The following KMO variants were observed in gnomAD, a reference collection of about 807,000 sequenced individuals.
KMO encodes kynurenine 3-monooxygenase.
Under a neutral mutation model 57.8 loss-of-function variants are expected in KMO, and 24 were observed. The observed-to-expected ratio is 0.42, with a 90% confidence interval of 0.30 to 0.58. KMO has a LOEUF of 0.58. Ranked by LOEUF, KMO falls within the 20% of genes least tolerant of loss-of-function variation. The probability of loss-of-function intolerance (pLI) is 0.22; values close to 1 mark genes in which losing one functional copy is unlikely to be tolerated. For synonymous variants in KMO, 210 were observed against 193.6 expected (o/e 1.08, Z -0.70); for missense variants, 483 against 588.2 (o/e 0.82, Z 1.85).
intron 1 of KMO, among the ~76,000 whole-genome samples, chr1:241,537,020 A>G (rs1483671209): frequency 6.6e-6 from 1 of 152,016 alleles, no homozygotes; most frequent in Non-Finnish European, 1.5e-5. Flanking sequence ...TCTTCTTAGG[A>G]TTTTTCCACC....
intron 1 of KMO, among the ~76,000 whole-genome samples, chr1:241,538,620 G>C (rs1420421668): frequency 6.6e-6 from 1 of 152,162 alleles, no homozygotes; most frequent in East Asian, 1.9e-4. Flanking sequence ...CACCATGTTA[G>C]ACCTGGGTTT....
chr1:241,568,623 GT>G lies in KMO; in HGVS notation c.939del (p.Phe313LeufsTer5), dbSNP rs760795658. On this transcript the variant is annotated frameshift_variant, in exon 10 of 15. Transcript: ENST00000366559. LOFTEE classifies it high-confidence loss of function. ...LGDAAHAIVP[F>X]FGQGMNAGFE... ...GAGATGCAGCTCATGCTATAGTGCCGTTTTTTGGGCAAGGAATGAATGCGGT... is the reference window on the plus strand; with the variant it reads ...GAGATGCAGCTCATGCTATAGTGCCGTTTTTGGGCAAGGAATGAATGCGGT... The G allele has an allele frequency of 1.2e-6, 2 of 1,613,560 alleles. No individual in the cohort carries two copies. Among genetic ancestry groups the G allele is most frequent in the African/African-American group, 1.3e-5 (1 of 74,992 alleles).
intron 6 of KMO, among the ~76,000 whole-genome samples, chr1:241,561,669 TC>T (rs1439335191): frequency 2.6e-5 from 4 of 152,242 alleles, no homozygotes; most frequent in Non-Finnish European, 4.4e-5. Context: ...ATAGATAATT[TC>T]AGTTTCCCTT....
chr1:241,572,603 T>G (rs1422580413), intron 10 of KMO, among the ~76,000 whole-genome samples: 1 of 152,074 alleles, frequency 6.6e-6, no homozygotes, highest in Non-Finnish European at 1.5e-5. Flanking sequence ...TAAAGAAACT[T>G]TAAAAAATTC....
In KMO at chr1:241,594,399, G is replaced by A; in HGVS notation, c.*2246G>A. On this transcript the variant is annotated 3_prime_UTR_variant, in exon 15 of 15. Transcript: ENST00000366559. Reference sequence around the variant, plus strand: ...GTCCAAAAGTGGCATCCAATTTAAGGCCCCATCTTTCGTTGCCATTCTTCA... The same window carrying A: ...GTCCAAAAGTGGCATCCAATTTAAGACCCCATCTTTCGTTGCCATTCTTCA... The A allele has an allele frequency of 1.9e-6, 3 of 1,599,376 alleles. No individual in the cohort carries two copies. The highest frequency in any genetic ancestry group is 2.2e-5 in the South Asian group (2 of 88,890).
At chr1:241,590,316 T>C in intron 14 of KMO, 53 bp downstream of exon 14, 2 of 1,337,716 alleles carry the variant, frequency 1.5e-6, no homozygotes, top group African/African-American at 1.4e-5. Flanking sequence ...TGAAATGTCA[T>C]AGTATTATGA....
At chr1:241,549,121 A>T (rs1276723826) in intron 2 of KMO, among the ~76,000 whole-genome samples, 1 of 151,602 alleles carries the variant, frequency 6.6e-6, no homozygotes, top group African/African-American at 2.4e-5. Flanking sequence ...GTGAGGCGAG[A>T]TCATGCCACT....
At chr1:241,577,475 C>T (rs184682277) in intron 10 of KMO, among the ~76,000 whole-genome samples, 6 of 151,980 alleles carry the variant, frequency 3.9e-5, no homozygotes, top group Admixed American at 2.6e-4. Flanking sequence ...TAGCCTAATT[C>T]GGCTCTTGGT....
intron 11 of KMO, among the ~76,000 whole-genome samples, chr1:241,588,426 G>A (rs542054970): frequency 9.0e-5 from 13 of 144,770 alleles, no homozygotes; most frequent in Admixed American, 1.5e-4. Flanking sequence ...CCTTGTGCTC[G>A]CGTGACTGGT....
At chr1:241,538,155 C>T (rs893026050) in intron 1 of KMO, among the ~76,000 whole-genome samples, 4 of 152,066 alleles carry the variant, frequency 2.6e-5, no homozygotes, top group Admixed American at 6.5e-5. Flanking sequence ...TCATAGGACA[C>T]ATGTTCAGAA....
intron 1 of KMO, among the ~76,000 whole-genome samples, chr1:241,544,186 C>A (rs921747682): frequency 6.6e-6 from 1 of 152,190 alleles, no homozygotes; most frequent in Non-Finnish European, 1.5e-5. Flanking sequence ...TCACTGATCA[C>A]TTGTTGTTTA....
chr1:241,594,974 C>T lies in KMO; in HGVS notation c.*2821C>T, dbSNP rs1238320553. 3.2e-6 allele frequency: 1 copy of T among 308,602 alleles called. No homozygotes were observed. Among genetic ancestry groups the T allele is most frequent in the Middle Eastern group, 9.0e-4 (1 of 1,106 alleles). The allele number at this position is 308,602 out of a possible 1,614,324, so 19.1% of individuals were successfully genotyped here. On this transcript the variant is annotated 3_prime_UTR_variant, in exon 15 of 15. Coordinates refer to ENST00000366559, the MANE Select transcript of KMO (RefSeq NM_003679.5). ...ACACTTTCTATGAGGGCAGGTACAA[C>T]TATTAAGAGATTTTGAACATTAAGT... is the stretch of plus-strand genomic sequence containing the variant.
At chr1:241,582,301 A>G (rs976747859) in intron 10 of KMO, among the ~76,000 whole-genome samples, 2 of 152,100 alleles carry the variant, frequency 1.3e-5, no homozygotes, top group Admixed American at 6.5e-5. Flanking sequence ...CTGGATATTC[A>G]TATCTTTCTC....
chr1:241,566,072 G>C (rs908038833), intron 8 of KMO, among the ~76,000 whole-genome samples: 3 of 152,000 alleles, frequency 2.0e-5, no homozygotes, highest in Non-Finnish European at 4.4e-5. Flanking sequence ...CGGGTGTGGT[G>C]GTGGGTGCCT....
At chr1:241,554,683 A>G (rs1661543683) in intron 4 of KMO, among the ~76,000 whole-genome samples, 1 of 151,722 alleles carries the variant, frequency 6.6e-6, no homozygotes. Context: ...TCAGGAGGAA[A>G]AAAGTGGCCG....
intron 7 of KMO, among the ~76,000 whole-genome samples, chr1:241,564,568 T>C (rs1011311063): frequency 6.6e-6 from 1 of 151,664 alleles, no homozygotes; most frequent in Non-Finnish European, 1.5e-5. Flanking sequence ...AAAAAATATA[T>C]ATATAAATAT....
chr1:241,562,913 AGG>A (rs1661922700), intron 7 of KMO, among the ~76,000 whole-genome samples: 4 of 33,162 alleles, frequency 1.2e-4, no homozygotes, highest in Non-Finnish European at 1.4e-4. Context: ...GAAGGAAGGA[AGG>A]AAAGAAGGAA....
rs751022654 is a variant in KMO, at chr1:241,576,247, G to A, written c.957+7600G>A. The stretch of plus-strand genomic sequence containing the variant: ...CTATATTTTTTAAGAGGAGCATTTC[G>A]ACAATTTACGTTCAGCATTAGTATT... On this transcript the variant is annotated intron_variant, in intron 10 of 14. Transcript: ENST00000366559. Among the ~76,000 whole-genome samples the A allele has an allele frequency of 5.9e-5, 9 of 151,804 alleles. 1 individual carries two copies. The highest frequency in any genetic ancestry group is 1.9e-4 in the East Asian group (1 of 5,182).
rs57587351 is a variant in KMO at position 241,588,329 on chromosome 1, CTTT to C, written c.1016-397_1016-395del. ...GGACAAATTTTCTCATCTTTTTTTT[CTTT>C]TTTTTTTTTTTTTTTTTTTTTGGTT... On this transcript the variant is annotated intron_variant, in intron 11 of 14. Transcript: ENST00000366559. 6.6e-3 allele frequency among the ~76,000 whole-genome samples: 646 copies of C among 98,374 alleles called. 4 individuals carry two copies. Among genetic ancestry groups the C allele is most frequent in the African/African-American group, 0.012 (306 of 25,898 alleles). 64.5% of individuals were successfully genotyped at this position (98,374 alleles called of 152,430 possible). A position where few individuals can be genotyped will look rare whatever the true frequency, so the allele number is the denominator to read the frequency against.
Sources: gnomAD v4.1 joint callset for allele counts (sites outside exome capture counted in the v4.1 genomes callset) on GRCh38, gnomAD v4.1.1 for gene constraint, MANE v1.5 for transcripts, NCBI Gene and HGNC (gene_info 2026-07-23, HGNC 2026-07-21) for gene names.